The following FEZ2 variants were observed in gnomAD, a reference collection of about 807,000 sequenced individuals.
FEZ2 encodes the protein fasciculation and elongation protein zeta-2.
A neutral mutation model predicts 40.4 loss-of-function variants in FEZ2; 51 were observed. The observed-to-expected ratio is 1.26, with a 90% CI of 1.01 to 1.59. FEZ2 has a LOEUF of 1.59. Ranked by LOEUF, FEZ2 falls within the 40% of genes most tolerant of loss-of-function variation. The probability of loss-of-function intolerance (pLI) is 0.00; values close to 1 mark genes in which losing one functional copy is unlikely to be tolerated. For synonymous variants in FEZ2, 242 were observed against 172.0 expected (o/e 1.41, Z -3.18); for missense variants, 640 against 438.3 (o/e 1.46, Z -4.11).
intron 2 of FEZ2, among the ~76,000 whole-genome samples, chr2:36,586,668 C>A (rs183974962): frequency 1.5e-4 from 23 of 151,494 alleles, no homozygotes; most frequent in African/African-American, 5.6e-4. Context: ...GCCCAGGTTG[C>A]CATGGCTCAC....
At chr2:36,555,789 T>C (rs1667944507) in intron 6 of FEZ2, 41 bp from the exon 7 acceptor site, 1 of 1,152,884 alleles carries the variant, frequency 8.7e-7, no homozygotes. Context: ...CAATTAAAAA[T>C]TTAGATCAAA....
Position 36,578,882 on chromosome 2 carries a change from A to C in FEZ2, c.635-17T>G, listed in dbSNP as rs375307936. 5 of 1,591,536 alleles carry C rather than the reference A, an allele frequency of 3.1e-6. No homozygotes were observed. The African/African-American group carries it at 6.8e-5, about 22-fold the overall frequency. On this transcript the variant is annotated splice_polypyrimidine_tract_variant and intron_variant, in intron 4 of 7. Coordinates refer to ENST00000405912, the MANE Select transcript of FEZ2 (RefSeq NM_005102.3). ...TTTTCACTCCTGTGACCAAAAGCAA[A>C]ATACAGCAGATATTAAGACAAAAAC...
intron 5 of FEZ2, among the ~76,000 whole-genome samples, chr2:36,566,241 G>A (rs1233763236): frequency 2.0e-5 from 3 of 152,096 alleles, no homozygotes; most frequent in African/African-American, 7.2e-5. Flanking sequence ...TCGGGAGGCT[G>A]AGGCAGGAGA....
chr2:36,570,970 C>G (rs930840017), intron 5 of FEZ2, among the ~76,000 whole-genome samples: 1 of 152,154 alleles, frequency 6.6e-6, no homozygotes, highest in African/African-American at 2.4e-5. Flanking sequence ...ACCTCTCTAA[C>G]ACATAAAGAA....
intron 2 of FEZ2, 48 bp from the exon 3 acceptor site, chr2:36,583,517 A>G (rs1558455694): frequency 9.7e-6 from 9 of 931,810 alleles, no homozygotes; most frequent in Non-Finnish European, 1.4e-5. Context: ...CCTCATCAAA[A>G]CAAAGTTAAC....
intron 5 of FEZ2, among the ~76,000 whole-genome samples, chr2:36,578,100 G>C (rs1387911991): frequency 6.6e-6 from 1 of 152,174 alleles, no homozygotes; most frequent in East Asian, 1.9e-4. Context: ...TTACCTTCTT[G>C]TATTCCAACC....
At chr2:36,578,501 A>G (rs1668638931) in intron 5 of FEZ2, 96 bp downstream of exon 5, 2 of 1,254,774 alleles carry the variant, frequency 1.6e-6, no homozygotes, top group South Asian at 1.5e-5. Flanking sequence ...ACTCCTGCCC[A>G]TGTACAACCT....
intron 4 of FEZ2, chr2:36,579,151 A>G (rs1322581975): frequency 1.4e-5 from 5 of 348,764 alleles, no homozygotes; most frequent in Non-Finnish European, 2.6e-5. Flanking sequence ...CATTGCATGA[A>G]TAATACTTCA....
intron 1 of FEZ2, among the ~76,000 whole-genome samples, chr2:36,597,478 G>A (rs1288311148): frequency 1.3e-5 from 2 of 152,198 alleles, no homozygotes; most frequent in Non-Finnish European, 2.9e-5. Flanking sequence ...GGTGTTCCCT[G>A]TGCGAAGCAG....
At chr2:36,560,257 C>T (rs1247560561) in intron 5 of FEZ2, among the ~76,000 whole-genome samples, 1 of 152,150 alleles carries the variant, frequency 6.6e-6, no homozygotes, top group African/African-American at 2.4e-5. Context: ...TCGCATGCCT[C>T]GTTTGGCAGA....
Position 36,578,522 on chromosome 2 carries a change from C to T in FEZ2, c.903+75G>A, listed in dbSNP as rs565226523. 8.8e-6 allele frequency: 13 copies of T among 1,480,932 alleles called. No individual in the cohort carries two copies. The East Asian group carries it at 2.7e-4, about 31-fold the overall frequency. 91.7% of individuals were successfully genotyped at this position (1,480,932 alleles called of 1,614,324 possible). A position where few individuals can be genotyped will look rare whatever the true frequency, so the allele number is the denominator to read the frequency against. On this transcript the variant is annotated intron_variant, in intron 5 of 7. Transcript: ENST00000405912. ...GCCCATGTACAACCTGTCGCACCTG[C>T]CACCAGCCCCAAAGGCTGGGACTAC...
In FEZ2 at chr2:36,578,510, C is replaced by T. The variant is rs1668639192; in HGVS notation, c.903+87G>A. On this transcript the variant is annotated intron_variant, in intron 5 of 7. Coordinates refer to ENST00000405912, the MANE Select transcript of FEZ2 (RefSeq NM_005102.3). ...GTTAACACTCCTGCCCATGTACAAC[C>T]TGTCGCACCTGCCACCAGCCCCAAA... is the stretch of plus-strand genomic sequence containing the variant. The T allele has an allele frequency of 5.1e-6, 7 of 1,382,402 alleles. No homozygotes were observed. In the Admixed American group the frequency reaches 6.3e-5, roughly 12 times the overall value. 85.6% of individuals were successfully genotyped at this position (1,382,402 alleles called of 1,614,324 possible). A position where few individuals can be genotyped will look rare whatever the true frequency, so the allele number is the denominator to read the frequency against.
intron 2 of FEZ2, among the ~76,000 whole-genome samples, chr2:36,585,804 G>A (rs1220288850): frequency 6.6e-6 from 1 of 152,168 alleles, no homozygotes; most frequent in African/African-American, 2.4e-5. Flanking sequence ...GTTTTTGGGA[G>A]GGTATAGTGT....
At chr2:36,578,513 T>C (rs1573018698) in intron 5 of FEZ2, 84 bp downstream of exon 5, 1 of 1,415,864 alleles carries the variant, frequency 7.1e-7, no homozygotes, top group East Asian at 2.3e-5. Flanking sequence ...GTACAACCTG[T>C]CGCACCTGCC....
chr2:36,561,213 AC>A, intron 5 of FEZ2: 1 of 171,656 alleles, frequency 5.8e-6, no homozygotes, highest in Non-Finnish European at 1.2e-5. Context: ...TTATTTACCT[AC>A]ATTTTATCAG....
intron 4 of FEZ2, among the ~76,000 whole-genome samples, chr2:36,580,710 C>A (rs945147411): frequency 4.6e-5 from 7 of 152,184 alleles, no homozygotes; most frequent in Non-Finnish European, 7.3e-5. Context: ...TTCTTATAGA[C>A]TCAATTGTGT....
In FEZ2 at chr2:36,572,017, G is replaced by GAAAAAA. The variant is rs34787798; in HGVS notation, c.903+6574_903+6579dup. Among the ~76,000 whole-genome samples, 375 of 110,006 alleles carry GAAAAAA rather than the reference G, an allele frequency of 3.4e-3. 4 individuals carry two copies. Among genetic ancestry groups the GAAAAAA allele is most frequent in the African/African-American group, 0.011 (360 of 32,008 alleles). The allele number at this position is 110,006 out of a possible 152,430, so 72.2% of individuals were successfully genotyped here. A position where few individuals can be genotyped will look rare whatever the true frequency, so the allele number is the denominator to read the frequency against. On this transcript the variant is annotated intron_variant, in intron 5 of 7. Coordinates refer to ENST00000405912, the MANE Select transcript of FEZ2 (RefSeq NM_005102.3). The stretch of plus-strand genomic sequence containing the variant: ...GCGGCTGAGTGAGACTCCGTCTCAG[G>GAAAAAA]AAAAAAAAAAAAAAAAAAAAAAAAA...
intron 5 of FEZ2, among the ~76,000 whole-genome samples, chr2:36,559,822 G>A (rs1416804527): frequency 3.3e-5 from 5 of 152,184 alleles, no homozygotes; most frequent in African/African-American, 4.8e-5. Context: ...TTGAGGTTGA[G>A]AGAGGTGAGA....
chr2:36,595,904 G>A (rs781620758), intron 1 of FEZ2, among the ~76,000 whole-genome samples: 3 of 152,192 alleles, frequency 2.0e-5, no homozygotes, highest in East Asian at 1.9e-4. Flanking sequence ...CTCTCCTGAC[G>A]GTCTAAGTGA....
Sources: allele counts gnomAD v4.1 joint callset (sites outside exome capture counted in the v4.1 genomes callset), GRCh38; gene constraint gnomAD v4.1.1; transcripts MANE v1.5; gene names NCBI Gene and HGNC (gene_info 2026-07-23, HGNC 2026-07-21).